The following PLD1 variants were observed in gnomAD, a reference collection of about 807,000 sequenced individuals.
The protein encoded by PLD1 is phospholipase D1.
Under a neutral mutation model 137.1 loss-of-function variants are expected in PLD1, and 112 were observed. The ratio of observed to expected loss-of-function variants is 0.82; its 90% CI spans 0.70 to 0.96. The LOEUF (loss-of-function observed/expected upper bound fraction) is 0.96, where lower values mean the gene tolerates loss of function less well. Among genes scored for constraint, PLD1 ranks in the 40% least tolerant of loss-of-function variants. PLD1 has a pLI of 0.00. For synonymous variants in PLD1, 431 were observed against 454.7 expected (o/e 0.95, Z 0.66); for missense variants, 1,321 against 1,342.0 (o/e 0.98, Z 0.24).
At chr3:171,713,736 TA>T in intron 9 of PLD1, 156 bp downstream of exon 9, 1 of 628,568 alleles carries the variant, frequency 1.6e-6, no homozygotes, top group Non-Finnish European at 2.8e-6. Context: ...TTAAAATATA[TA>T]CAAGGAAAAA....
chr3:171,603,046 G>A lies in PLD1; in HGVS notation c.*32C>T, dbSNP rs1404152730. 3 of 1,496,622 alleles carry A rather than the reference G, an allele frequency of 2.0e-6. No homozygotes were observed. The East Asian group carries it at 6.8e-5, about 34-fold the overall frequency. The allele number at this position is 1,496,622 out of a possible 1,614,324, so 92.7% of individuals were successfully genotyped here. Reference sequence around the variant, plus strand: ...CACTGTGTGCAGTGTGGTCTCCAGGGTGGAAGTCTTTGAGCTGCCAATGAA... The same window carrying A: ...CACTGTGTGCAGTGTGGTCTCCAGGATGGAAGTCTTTGAGCTGCCAATGAA... On this transcript the variant is annotated 3_prime_UTR_variant, in exon 27 of 27. Transcript: ENST00000351298.
chr3:171,726,213 A>G, intron 6 of PLD1, 137 bp from the exon 7 acceptor site: 2 of 634,496 alleles, frequency 3.2e-6, no homozygotes, highest in Non-Finnish European at 5.7e-6. Flanking sequence ...TAATAATGGC[A>G]TTGCACTAAA....
chr3:171,659,354 A>ATTG, intron 20 of PLD1, 53 bp from the exon 21 acceptor site: 2 of 1,097,468 alleles, frequency 1.8e-6, no homozygotes, highest in Non-Finnish European at 2.8e-6. Context: ...TTAGCAATAT[A>ATTG]CGTAAGAACA....
chr3:171,652,436 C>T (rs1736860347), intron 21 of PLD1, among the ~76,000 whole-genome samples: 1 of 148,680 alleles, frequency 6.7e-6, no homozygotes, highest in Non-Finnish European at 1.5e-5. Context: ...AAAAAAGGTA[C>T]TGCAGTTGAA....
At chr3:171,714,688 G>A (rs1207033376) in intron 8 of PLD1, among the ~76,000 whole-genome samples, 1 of 151,962 alleles carries the variant, frequency 6.6e-6, no homozygotes. Context: ...TGTTTTAATG[G>A]CTTTATAACT....
intron 1 of PLD1, chr3:171,771,258 C>A (rs1376717723): frequency 6.6e-6 from 1 of 152,172 alleles, no homozygotes; most frequent in Non-Finnish European, 1.5e-5. Flanking sequence ...ACTATGAAAC[C>A]AATCTCCAAG....
intron 24 of PLD1, among the ~76,000 whole-genome samples, chr3:171,613,034 G>A (rs1160268309): frequency 6.6e-6 from 1 of 152,144 alleles, no homozygotes; most frequent in Non-Finnish European, 1.5e-5. Context: ...GCTGAGTGTG[G>A]TGACGCATGC....
chr3:171,635,414 T>A (rs1735023858), intron 23 of PLD1, among the ~76,000 whole-genome samples: 1 of 152,098 alleles, frequency 6.6e-6, no homozygotes, highest in Non-Finnish European at 1.5e-5. Flanking sequence ...TATTTACACA[T>A]CCTTGCCAAT....
intron 24 of PLD1, among the ~76,000 whole-genome samples, chr3:171,613,613 G>A (rs1219350314): frequency 6.6e-6 from 1 of 152,108 alleles, no homozygotes; most frequent in Non-Finnish European, 1.5e-5. Context: ...AATAGCTTCT[G>A]TAGCAACTTT....
intron 25 of PLD1, among the ~76,000 whole-genome samples, chr3:171,606,937 G>A (rs1402508335): frequency 6.6e-6 from 1 of 152,134 alleles, no homozygotes; most frequent in African/African-American, 2.4e-5. Flanking sequence ...TGCAAGAAAG[G>A]CTGTACCAAA....
intron 24 of PLD1, among the ~76,000 whole-genome samples, chr3:171,613,693 AT>A (rs796470615): frequency 0.05 from 7,270 of 146,290 alleles, 594 homozygotes; most frequent in African/African-American, 0.17. Context: ...CAAGGAGTCC[AT>A]TTTTTTTTTT....
At chr3:171,803,388 C>T (rs116823117) in intron 1 of PLD1, among the ~76,000 whole-genome samples, 3 of 152,132 alleles carry the variant, frequency 2.0e-5, no homozygotes, top group Non-Finnish European at 2.9e-5. Context: ...GGATATACCC[C>T]CTGGGCAAAG....
intron 1 of PLD1, among the ~76,000 whole-genome samples, chr3:171,786,889 T>G (rs1723030342): frequency 6.6e-6 from 1 of 152,230 alleles, no homozygotes; most frequent in South Asian, 2.1e-4. Context: ...GATCTTTCAA[T>G]ACGTGCAGTG....
At chr3:171,683,348 C>T (rs1373442544) in intron 16 of PLD1, among the ~76,000 whole-genome samples, 2 of 152,138 alleles carry the variant, frequency 1.3e-5, no homozygotes, top group African/African-American at 4.8e-5. Context: ...GACTTCCTAT[C>T]TCACTCAGGG....
intron 1 of PLD1, among the ~76,000 whole-genome samples, chr3:171,796,924 C>T (rs541903411): frequency 6.6e-6 from 1 of 152,318 alleles, no homozygotes; most frequent in Non-Finnish European, 1.5e-5. Flanking sequence ...CACTCTTTCT[C>T]TTCCTGCACC....
chr3:171,649,731 A>G (rs546631012), intron 21 of PLD1, among the ~76,000 whole-genome samples: 69 of 152,352 alleles, frequency 4.5e-4, no homozygotes, highest in African/African-American at 1.6e-3. Context: ...AATTTCTACC[A>G]AACAGCATTC....
intron 21 of PLD1, chr3:171,654,005 CTT>C (rs200276115): frequency 8.7e-4 from 253 of 290,406 alleles, no homozygotes; most frequent in African/African-American, 5.1e-3. Flanking sequence ...ATACCACCCA[CTT>C]ACAGGCAAGC....
intron 1 of PLD1, among the ~76,000 whole-genome samples, chr3:171,764,875 GAAAGAAAGAAAGAAAGA>G (rs1560288369): frequency 1.6e-3 from 48 of 30,250 alleles, no homozygotes; most frequent in Non-Finnish European, 2.5e-3. Flanking sequence ...AAGAAAGAAA[GAAAGAAAGAAAGAAAGA>G]AAGGAAGGAA....
intron 23 of PLD1, among the ~76,000 whole-genome samples, chr3:171,641,762 A>G (rs1055413458): frequency 6.6e-6 from 1 of 151,984 alleles, no homozygotes; most frequent in Non-Finnish European, 1.5e-5. Context: ...TTCCATTACC[A>G]GTGCACCTTT....
Sources: allele counts gnomAD v4.1 joint callset (sites outside exome capture counted in the v4.1 genomes callset), GRCh38; gene constraint gnomAD v4.1.1; transcripts MANE v1.5; gene names NCBI Gene and HGNC (gene_info 2026-07-23, HGNC 2026-07-21).